KALRN: variants seen among roughly 807,000 people sequenced by gnomAD.
KALRN encodes the protein kalirin.
A neutral mutation model predicts 353.7 loss-of-function variants in KALRN; 70 were observed. The ratio of observed to expected loss-of-function variants is 0.20; its 90% CI spans 0.16 to 0.24. KALRN has a LOEUF of 0.24. KALRN is among the 10% of genes least tolerant of loss of function. The probability of loss-of-function intolerance (pLI) is 1.00; values close to 1 mark genes in which losing one functional copy is unlikely to be tolerated. For missense variants in KALRN, 2,791 were observed against 3,756.7 expected (o/e 0.74, Z 6.72); for synonymous variants, 1,391 against 1,434.8 (o/e 0.97, Z 0.69).
At chr3:124,142,485 T>C (rs2066751154) in intron 1 of KALRN, among the ~76,000 whole-genome samples, 2 of 152,228 alleles carry the variant, frequency 1.3e-5, no homozygotes, top group African/African-American at 4.8e-5. Context: ...TAAAGATTGT[T>C]ATGTTCAGCT....
intron 23 of KALRN, among the ~76,000 whole-genome samples, chr3:124,459,598 G>A (rs1261187755): frequency 6.6e-6 from 1 of 152,108 alleles, no homozygotes; most frequent in Non-Finnish European, 1.5e-5. Flanking sequence ...ACAGAGCATT[G>A]GACAGGGTAA....
chr3:124,107,031 C>T (rs933005832), intron 1 of KALRN, among the ~76,000 whole-genome samples: 8 of 152,156 alleles, frequency 5.3e-5, no homozygotes, highest in African/African-American at 1.9e-4. Context: ...TCTTGGTTCT[C>T]CTGGGCTGTT....
Position 124,401,768 on chromosome 3 carries a change from A to C in KALRN, c.2346+2897A>C, listed in dbSNP as rs185954153. ...CCCAAAAGCTTGGGGAGAATGCTAC[A>C]TCTAATCTTAGAACTGGAAATCCTG... On this transcript the variant is annotated intron_variant, in intron 13 of 59. Transcript: ENST00000682506. Among the ~76,000 whole-genome samples, 10 of 152,306 alleles carry C rather than the reference A, an allele frequency of 6.6e-5. No individual in the cohort carries two copies. The East Asian group carries it at 1.9e-3, about 29-fold the overall frequency.
At chr3:124,649,626 A>AAACAAACC (rs1449590046) in intron 37 of KALRN, among the ~76,000 whole-genome samples, 1 of 150,790 alleles carries the variant, frequency 6.6e-6, no homozygotes, top group African/African-American at 2.4e-5. Flanking sequence ...ACAAACAAAC[A>AAACAAACC]AACAAACAAA....
intron 5 of KALRN, among the ~76,000 whole-genome samples, chr3:124,272,300 T>C (rs944836653): frequency 3.3e-5 from 5 of 152,248 alleles, no homozygotes; most frequent in Admixed American, 3.3e-4. Flanking sequence ...ATAAATGATG[T>C]TTCAGGACAA....
chr3:124,595,075 C>A (rs2076154081), intron 34 of KALRN, among the ~76,000 whole-genome samples: 1 of 151,250 alleles, frequency 6.6e-6, no homozygotes, highest in Admixed American at 6.6e-5. Flanking sequence ...TGAGAAAAAT[C>A]ATACATAAAT....
intron 14 of KALRN, among the ~76,000 whole-genome samples, chr3:124,419,058 C>T (rs1470896886): frequency 1.3e-5 from 2 of 150,696 alleles, no homozygotes; most frequent in African/African-American, 4.9e-5. Flanking sequence ...GGCGACACAG[C>T]GAAACTCAGT....
intron 15 of KALRN, among the ~76,000 whole-genome samples, chr3:124,428,205 G>A (rs917196563): frequency 3.9e-5 from 6 of 152,090 alleles, no homozygotes; most frequent in African/African-American, 1.4e-4. Context: ...CAGAGTAAAA[G>A]GATAATGATG....
At chr3:124,481,381 AT>A (rs1048748274) in intron 27 of KALRN, among the ~76,000 whole-genome samples, 2 of 151,702 alleles carry the variant, frequency 1.3e-5, no homozygotes, top group African/African-American at 2.4e-5. Context: ...TAATTTTTGT[AT>A]TTTTTGTAGA....
intron 19 of KALRN, among the ~76,000 whole-genome samples, chr3:124,442,554 T>A (rs929546044): frequency 2.0e-5 from 3 of 152,296 alleles, no homozygotes; most frequent in Admixed American, 2.0e-4. Flanking sequence ...GACCCTGGAT[T>A]TGTCACTGAT....
chr3:124,574,363 TG>T (rs2073871339), intron 34 of KALRN, among the ~76,000 whole-genome samples: 1 of 152,264 alleles, frequency 6.6e-6, no homozygotes, highest in Non-Finnish European at 1.5e-5. Context: ...GTAGCCAGCC[TG>T]CTGTGACTTT....
At chr3:124,599,124 C>A (rs887813783) in intron 34 of KALRN, among the ~76,000 whole-genome samples, 1 of 152,216 alleles carries the variant, frequency 6.6e-6, no homozygotes, top group African/African-American at 2.4e-5. Flanking sequence ...TACCCCTCTT[C>A]TGGCCCGCAA....
chr3:124,065,351 G>C (rs928399084), intron 1 of KALRN, among the ~76,000 whole-genome samples: 2 of 152,084 alleles, frequency 1.3e-5, no homozygotes, highest in Admixed American at 1.3e-4. Flanking sequence ...GATGAAGTTA[G>C]GGAAATTTGA....
At chr3:124,628,547 T>TTTAC (rs1371106622) in intron 34 of KALRN, among the ~76,000 whole-genome samples, 3 of 102,506 alleles carry the variant, frequency 2.9e-5, no homozygotes, top group Admixed American at 2.5e-4. Context: ...CTTTCTTTCC[T>TTTAC]TTTCTTTCTT....
At chr3:124,413,428 G>A in intron 13 of KALRN, 42 bp from the exon 14 acceptor site, 3 of 1,544,048 alleles carry the variant, frequency 1.9e-6, no homozygotes, top group Non-Finnish European at 2.7e-6. Flanking sequence ...AATCTCTCGT[G>A]GACCTGGTGA....
At chr3:124,535,766 T>G (rs548415082) in intron 33 of KALRN, among the ~76,000 whole-genome samples, 5 of 152,332 alleles carry the variant, frequency 3.3e-5, no homozygotes, top group African/African-American at 1.2e-4. Context: ...TGACACCGGC[T>G]TAAATAACAG....
At chr3:124,623,564 C>T (rs1046265679) in intron 34 of KALRN, among the ~76,000 whole-genome samples, 1 of 152,054 alleles carries the variant, frequency 6.6e-6, no homozygotes, top group Non-Finnish European at 1.5e-5. Flanking sequence ...AAGCATCCAG[C>T]ACTGGAGAAA....
At chr3:124,565,857 C>A (rs2072744164) in intron 34 of KALRN, among the ~76,000 whole-genome samples, 1 of 152,164 alleles carries the variant, frequency 6.6e-6, no homozygotes, top group East Asian at 1.9e-4. Flanking sequence ...TGGAAGCATT[C>A]AGGGTAAGAA....
At chr3:124,159,311 C>G in intron 1 of KALRN, among the ~76,000 whole-genome samples, 1 of 152,172 alleles carries the variant, frequency 6.6e-6, no homozygotes, top group Non-Finnish European at 1.5e-5. Context: ...TAGTTTGTCA[C>G]TCAAGCTGGA....
Sources: gnomAD v4.1 joint callset for allele counts (sites outside exome capture counted in the v4.1 genomes callset) on GRCh38, gnomAD v4.1.1 for gene constraint, MANE v1.5 for transcripts, NCBI Gene and HGNC (gene_info 2026-07-23, HGNC 2026-07-21) for gene names.